Variants in SYN3 observed in about 807,000 individuals in gnomAD.
The protein encoded by SYN3 is synapsin-3.
In SYN3, 35 loss-of-function variants were observed where a neutral mutation model predicts 65.8. The observed-to-expected ratio is 0.53, with a 90% CI of 0.41 to 0.70. SYN3 has a LOEUF of 0.70. Among genes scored for constraint, SYN3 ranks in the 30% least tolerant of loss-of-function variants. The pLI, the probability that SYN3 is intolerant of heterozygous loss-of-function variation, is 0.00. For synonymous variants in SYN3, 270 were observed against 292.9 expected, an observed-to-expected ratio of 0.92 and a Z score of 0.80; for missense variants, 680 against 749.0, an observed-to-expected ratio of 0.91 and a Z score of 1.08.
At chr22:32,555,840 CG>C (rs1410626970) in intron 7 of SYN3, among the ~76,000 whole-genome samples, 2 of 152,122 alleles carry the variant, frequency 1.3e-5, no homozygotes, top group East Asian at 3.9e-4. Context: ...AGAAACTAGT[CG>C]GATGGGGTCA....
intron 6 of SYN3, among the ~76,000 whole-genome samples, chr22:32,839,611 G>A (rs1349005752): frequency 6.6e-6 from 1 of 152,094 alleles, no homozygotes; most frequent in African/African-American, 2.4e-5. Flanking sequence ...CTTCCAAATT[G>A]CTGGTGGCCC....
intron 4 of SYN3, among the ~76,000 whole-genome samples, chr22:32,921,075 CCCTTAGCCCCTCACACT>C (rs2050323624): frequency 6.6e-6 from 1 of 152,238 alleles, no homozygotes; most frequent in South Asian, 2.1e-4. Context: ...ACCTCACGTT[CCCTTAGCCCCTCACACT>C]CCTCCATAAG....
intron 6 of SYN3, among the ~76,000 whole-genome samples, chr22:32,711,198 C>G (rs1035297278): frequency 1.3e-5 from 2 of 152,154 alleles, no homozygotes; most frequent in Non-Finnish European, 2.9e-5. Context: ...AGCTGGGTGG[C>G]CAGGATTTTT....
chr22:32,778,742 T>C (rs1200580384), intron 6 of SYN3, among the ~76,000 whole-genome samples: 1 of 152,180 alleles, frequency 6.6e-6, no homozygotes, highest in Non-Finnish European at 1.5e-5. Context: ...TGCGTCAAAA[T>C]GCAAGCAAAA....
chr22:32,690,285 C>A (rs1469178720), intron 6 of SYN3, among the ~76,000 whole-genome samples: 1 of 152,222 alleles, frequency 6.6e-6, no homozygotes, highest in Admixed American at 6.5e-5. Context: ...GACACTGGAT[C>A]TGCTAGTGCC....
intron 6 of SYN3, among the ~76,000 whole-genome samples, chr22:32,696,987 A>T (rs2060745367): frequency 6.6e-6 from 1 of 152,170 alleles, no homozygotes; most frequent in African/African-American, 2.4e-5. Flanking sequence ...GGGGAAAGAC[A>T]CTGGGGAAAG....
At chr22:32,595,815 G>A (rs570325257) in intron 7 of SYN3, among the ~76,000 whole-genome samples, 5 of 152,308 alleles carry the variant, frequency 3.3e-5, no homozygotes, top group African/African-American at 9.6e-5. Context: ...GGTGGCTCAC[G>A]CCTATAATCC....
chr22:33,024,676 C>T (rs1423469972), intron 1 of SYN3, among the ~76,000 whole-genome samples: 1 of 152,104 alleles, frequency 6.6e-6, no homozygotes, highest in Non-Finnish European at 1.5e-5. Context: ...TTGGGTTTGT[C>T]CTGGAATACA....
chr22:33,001,113 T>C (rs1037807381), intron 2 of SYN3, among the ~76,000 whole-genome samples: 1 of 152,132 alleles, frequency 6.6e-6, no homozygotes, highest in African/African-American at 2.4e-5. Flanking sequence ...AACTGCCAGA[T>C]GAGTTAATGA....
chr22:32,832,201 T>A (rs2047593369), intron 6 of SYN3, among the ~76,000 whole-genome samples: 1 of 152,214 alleles, frequency 6.6e-6, no homozygotes, highest in African/African-American at 2.4e-5. Context: ...ATGTCTTAAC[T>A]CAAGTTTGAC....
chr22:32,596,481 GA>G (rs1192281835), intron 7 of SYN3, among the ~76,000 whole-genome samples, 192 bp downstream of exon 7: 4 of 152,212 alleles, frequency 2.6e-5, no homozygotes, highest in Non-Finnish European at 5.9e-5. Flanking sequence ...CTGAACTGGA[GA>G]GATGTTCTGT....
At chr22:32,831,507 G>A (rs535220414) in intron 6 of SYN3, among the ~76,000 whole-genome samples, 186 of 152,250 alleles carry the variant, frequency 1.2e-3, no homozygotes, top group Middle Eastern at 3.4e-3. Flanking sequence ...TGTGGGGGTC[G>A]GAGTTGGGGG....
chr22:32,640,616 C>T (rs1233068682), intron 6 of SYN3, among the ~76,000 whole-genome samples: 1 of 152,132 alleles, frequency 6.6e-6, no homozygotes, highest in East Asian at 1.9e-4. Flanking sequence ...CCTGTAATCC[C>T]AGCACTTTGG....
chr22:33,009,568 G>T (rs1051876591), intron 1 of SYN3, among the ~76,000 whole-genome samples: 1 of 151,782 alleles, frequency 6.6e-6, no homozygotes, highest in Non-Finnish European at 1.5e-5. Flanking sequence ...TCTGTGGCTT[G>T]CTGCTTCATT....
intron 6 of SYN3, among the ~76,000 whole-genome samples, chr22:32,611,563 AT>A (rs2059446588): frequency 6.6e-6 from 1 of 152,078 alleles, no homozygotes; most frequent in African/African-American, 2.4e-5. Context: ...AAGTGCTGCG[AT>A]TACAGGCTTG....
intron 1 of SYN3, among the ~76,000 whole-genome samples, chr22:33,047,863 CAAAAAAAAAAAAA>C (rs58025351): frequency 5.6e-5 from 3 of 53,554 alleles, no homozygotes; most frequent in Admixed American, 4.4e-4. Flanking sequence ...TTTTCATGTG[CAAAAAAAAAAAAA>C]AAAAAAAAAG....
rs79222397 is a variant in SYN3, at chr22:32,638,012, C to T, written c.712-41276G>A. On this transcript the variant is annotated intron_variant, in intron 6 of 13. Coordinates refer to ENST00000358763, the MANE Select transcript of SYN3 (RefSeq NM_003490.4). ...GTAGTTCAGTGACTATTGTTGTCAT[C>T]TTTATGTCCGTGAGTACTTCATGTT... Among the ~76,000 whole-genome samples the T allele has an allele frequency of 1.6e-3, 236 of 152,250 alleles. 3 individuals carry two copies. In the East Asian group the frequency reaches 0.038, roughly 25 times the overall value.
chr22:32,854,720 C>T (rs892828974), intron 6 of SYN3, among the ~76,000 whole-genome samples: 3 of 152,308 alleles, frequency 2.0e-5, no homozygotes, highest in East Asian at 1.9e-4. Flanking sequence ...GCCCCCACCG[C>T]GTAATTGAAT....
chr22:32,975,355 C>A (rs1215705773), intron 3 of SYN3, among the ~76,000 whole-genome samples: 3 of 145,966 alleles, frequency 2.1e-5, no homozygotes, highest in Non-Finnish European at 4.5e-5. Context: ...AGCCCAGCGA[C>A]AGAGTGAGAC....
Sources: allele counts gnomAD v4.1 joint callset (sites outside exome capture counted in the v4.1 genomes callset), GRCh38; gene constraint gnomAD v4.1.1; transcripts MANE v1.5; gene names NCBI Gene and HGNC (gene_info 2026-07-23, HGNC 2026-07-21).